Variants in PIN1 observed in about 807,000 individuals in gnomAD.
PIN1 encodes peptidyl-prolyl cis-trans isomerase NIMA-interacting 1.
Under a neutral mutation model 19.9 loss-of-function variants are expected in PIN1, and 8 were observed. That is an observed-to-expected ratio of 0.40 (90% CI 0.24 to 0.72). PIN1 has a LOEUF of 0.72. Among genes scored for constraint, PIN1 ranks in the 30% least tolerant of loss-of-function variants. The probability of loss-of-function intolerance (pLI) is 0.37; values close to 1 mark genes in which losing one functional copy is unlikely to be tolerated. For missense variants in PIN1, 185 were observed against 226.5 expected, an observed-to-expected ratio of 0.82 and a Z score of 1.18; for synonymous variants, 86 against 90.8, an observed-to-expected ratio of 0.95 and a Z score of 0.30.
chr19:9,838,418 G>C lies in PIN1; in HGVS notation c.59-18G>C, dbSNP rs976132217. 1 of 1,582,058 alleles carries C rather than the reference G, an allele frequency of 6.3e-7. No homozygotes were observed. Among genetic ancestry groups the C allele is most frequent in the Non-Finnish European group, 8.6e-7 (1 of 1,164,628 alleles). ...GGAGCACAACCCTAGCTGAATTCCT[G>C]CCTGCCCTCCCCTCCAGGCCGAGTG... On this transcript the variant is annotated intron_variant, in intron 1 of 3. Transcript: ENST00000247970. This position sits in a 1 kb window ranked among gnomAD's most constrained non-coding sequence, Gnocchi z 5.8.
intron 2 of PIN1, among the ~76,000 whole-genome samples, chr19:9,844,548 T>C (rs1205663464): frequency 6.6e-6 from 1 of 152,192 alleles, no homozygotes; most frequent in Admixed American, 6.5e-5. Flanking sequence ...CCTGAACACC[T>C]TGAAGCAGGT....
At chr19:9,839,247 A>G (rs1356812623) in intron 2 of PIN1, among the ~76,000 whole-genome samples, 1 of 152,050 alleles carries the variant, frequency 6.6e-6, no homozygotes, top group African/African-American at 2.4e-5. Context: ...TAGCCTGGGC[A>G]GTATGGTGAA....
rs1568360254 is a variant in PIN1 at position 9,842,573 on chromosome 19, G to A, written c.271+3925G>A. ...CAGCCCGTAGAAAGAGTTCCGGATA[G>A]GACCACAGGAGGCCTGGTGGGCTCA... On this transcript the variant is annotated intron_variant, in intron 2 of 3. Transcript: ENST00000247970. Among the ~76,000 whole-genome samples the A allele has an allele frequency of 1.3e-5, 2 of 152,218 alleles. 1 individual carries two copies. The highest frequency in any genetic ancestry group is 4.1e-4 in the South Asian group (2 of 4,836).
intron 1 of PIN1, chr19:9,835,646 C>T (rs1170627474): frequency 1.0e-5 from 5 of 477,626 alleles, no homozygotes; most frequent in South Asian, 7.4e-5. Flanking sequence ...GAGTCCGGGG[C>T]GATGGCCCTG....
In PIN1 at chr19:9,846,474, G is replaced by A. The variant is rs1414246309; in HGVS notation, c.272-1556G>A. 6.6e-6 allele frequency among the ~76,000 whole-genome samples: 1 copy of A among 152,192 alleles called. No homozygotes were observed. The highest frequency in any genetic ancestry group is 2.4e-5 in the African/African-American group (1 of 41,452). On this transcript the variant is annotated intron_variant, in intron 2 of 3. Transcript: ENST00000247970. The surrounding 1 kb of genome is among the most constrained non-coding windows in gnomAD (Gnocchi z 5.9). ...CAGGGATGTCAGGGCAGCAGGTCGTGGTGACATCCAGCTCAGATACCAGGA... is the reference window on the plus strand; with the variant it reads ...CAGGGATGTCAGGGCAGCAGGTCGTAGTGACATCCAGCTCAGATACCAGGA...
At chr19:9,837,459 GTTGTTT>G (rs201673285) in intron 1 of PIN1, 2,041 of 150,622 alleles carry the variant, frequency 0.014, 39 homozygotes, top group African/African-American at 0.048. Context: ...CAGCCAGCCT[GTTGTTT>G]TTGTTTTTGT....
In PIN1 at chr19:9,846,840, C is replaced by T. The variant is rs892955087; in HGVS notation, c.272-1190C>T. ...GTGTCAGGGTGACATTAAGAAACCCCCTACTGAGTGTGTCAGGGTGACCTT... is the reference window on the plus strand; with the variant it reads ...GTGTCAGGGTGACATTAAGAAACCCTCTACTGAGTGTGTCAGGGTGACCTT... On this transcript the variant is annotated intron_variant, in intron 2 of 3. Transcript: ENST00000247970. The surrounding 1 kb of genome is among the most constrained non-coding windows in gnomAD (Gnocchi z 5.9). Among the ~76,000 whole-genome samples the T allele has an allele frequency of 3.9e-5, 6 of 152,126 alleles. No individual in the cohort carries two copies. The highest frequency in any genetic ancestry group is 1.3e-4 in the Admixed American group (2 of 15,274).
intron 2 of PIN1, among the ~76,000 whole-genome samples, chr19:9,839,952 A>G (rs2046148109): frequency 6.6e-6 from 1 of 151,932 alleles, no homozygotes; most frequent in Non-Finnish European, 1.5e-5. Flanking sequence ...ATGAGCCGAG[A>G]TCACACTACC....
At position 9,845,923 on chromosome 19, in the gene PIN1, T is replaced by C. The variant is rs138388346; in HGVS notation, c.272-2107T>C. ...GCTCAGTGCCTGCAGGCAGTCCTGC[T>C]TCCCCGAAGTAGGTGGGTACCTCTG... On this transcript the variant is annotated intron_variant, in intron 2 of 3. Coordinates refer to ENST00000247970, the MANE Select transcript of PIN1 (RefSeq NM_006221.4). Among the ~76,000 whole-genome samples, 838 of 152,258 alleles carry C rather than the reference T, an allele frequency of 5.5e-3. 3 individuals are homozygous for C. The highest frequency in any genetic ancestry group is 8.4e-3 in the Non-Finnish European group (573 of 68,016).
chr19:9,847,615 C>T (rs1251652829), intron 2 of PIN1, among the ~76,000 whole-genome samples: 3 of 152,226 alleles, frequency 2.0e-5, no homozygotes, highest in Non-Finnish European at 4.4e-5. Context: ...GGCCAGCCCC[C>T]TGCCTGGGTC....
Position 9,849,154 on chromosome 19 carries a change from C to T in PIN1, c.447C>T (p.Pro149=), listed in dbSNP as rs149735658. ...TGCGGACGGGGGAGATGAGCGGGCCCGTGTTCACGGATTCCGGCATCCACA... is the reference window on the plus strand; with the variant it reads ...TGCGGACGGGGGAGATGAGCGGGCCTGTGTTCACGGATTCCGGCATCCACA... ...FALRTGEMSG[P]VFTDSGIHII... The change falls in exon 4 of 4, where the codon CCC becomes CCT. Residue 149 remains proline (P), a synonymous_variant. Transcript: ENST00000247970. 1.7e-5 allele frequency: 27 copies of T among 1,613,474 alleles called. No individual in the cohort carries two copies. In the African/African-American group the frequency reaches 2.7e-4, roughly 16 times the overall value.
At chr19:9,835,695 C>T (rs766273176) in intron 1 of PIN1, 187 of 432,526 alleles carry the variant, frequency 4.3e-4, no homozygotes, top group Non-Finnish European at 6.6e-4. Flanking sequence ...GCCTAATGCA[C>T]CTGACACCCC....
At position 9,848,051 on chromosome 19, in the gene PIN1, C is replaced by A; in HGVS notation, c.293C>A (p.Ser98Ter). The change falls in exon 3 of 4, where the codon TCG becomes TAG. Residue 98 changes from serine to a stop codon, truncating the protein, a stop_gained. Transcript: ENST00000247970. LOFTEE classifies it high-confidence loss of function. Reference sequence around the variant, plus strand: ...ACAGGCTACATCCAGAAGATCAAGTCGGGAGAGGAGGACTTTGAGTCTCTG... The same window carrying A: ...ACAGGCTACATCCAGAAGATCAAGTAGGGAGAGGAGGACTTTGAGTCTCTG... ...LINGYIQKIK[S>*]GEEDFESLAS... 1.2e-6 allele frequency: 2 copies of A among 1,611,146 alleles called. No individual in the cohort carries two copies. Among genetic ancestry groups the A allele is most frequent in the Non-Finnish European group, 1.7e-6 (2 of 1,177,510 alleles).
In PIN1 at chr19:9,848,015, G is replaced by T; in HGVS notation, c.272-15G>T. ...ACCCCTGACCTGGCACTCCCATTCCGTTCCATGTCCACAGGCTACATCCAG... is the reference window on the plus strand; with the variant it reads ...ACCCCTGACCTGGCACTCCCATTCCTTTCCATGTCCACAGGCTACATCCAG... On this transcript the variant is annotated splice_polypyrimidine_tract_variant and intron_variant, in intron 2 of 3. Transcript: ENST00000247970. 2 of 1,555,734 alleles carry T rather than the reference G, an allele frequency of 1.3e-6. No homozygotes were observed. Among genetic ancestry groups the T allele is most frequent in the Non-Finnish European group, 1.8e-6 (2 of 1,127,230 alleles).
chr19:9,843,405 G>A (rs1377683122), intron 2 of PIN1, among the ~76,000 whole-genome samples: 1 of 152,272 alleles, frequency 6.6e-6, no homozygotes, highest in Non-Finnish European at 1.5e-5. Flanking sequence ...AAGTATGCTG[G>A]AAGCAGCGTA....
At position 9,842,568 on chromosome 19, in the gene PIN1, G is replaced by A. The variant is rs183775822; in HGVS notation, c.271+3920G>A. On this transcript the variant is annotated intron_variant, in intron 2 of 3. Coordinates refer to ENST00000247970, the MANE Select transcript of PIN1 (RefSeq NM_006221.4). ...CCCCACAGCCCGTAGAAAGAGTTCC[G>A]GATAGGACCACAGGAGGCCTGGTGG... Among the ~76,000 whole-genome samples, 7 of 152,302 alleles carry A rather than the reference G, an allele frequency of 4.6e-5. No individual in the cohort carries two copies. In the East Asian group the frequency reaches 7.7e-4, roughly 17 times the overall value.
chr19:9,838,743 C>A lies in PIN1; in HGVS notation c.271+95C>A. 9.7e-7 allele frequency: 1 copy of A among 1,029,938 alleles called. No homozygotes were observed. Among genetic ancestry groups the A allele is most frequent in the Non-Finnish European group, 1.4e-6 (1 of 705,202 alleles). 63.8% of individuals were successfully genotyped at this position (1,029,938 alleles called of 1,614,324 possible). ...AGACCCTTCACCCCAGCTTGCTCAG[C>A]TGCCAGGCGTGGTGTTGGCCAACAC... On this transcript the variant is annotated intron_variant, in intron 2 of 3. Transcript: ENST00000247970. The surrounding 1 kb of genome is among the most constrained non-coding windows in gnomAD (Gnocchi z 5.8).
In PIN1 at chr19:9,835,365, G is replaced by A. The variant is rs2046091663; in HGVS notation, c.21G>A (p.Leu7=). Reference sequence around the variant, plus strand: ...GGAAGATGGCGGACGAGGAGAAGCTGCCGCCCGGCTGGGAGAAGCGCATGA... The same window carrying A: ...GGAAGATGGCGGACGAGGAGAAGCTACCGCCCGGCTGGGAGAAGCGCATGA... MADEEK[L]PPGWEKRMSR... Residue 7 remains leucine, a synonymous_variant, in exon 1 of 4, where the codon CTG becomes CTA. Coordinates refer to ENST00000247970, the MANE Select transcript of PIN1 (RefSeq NM_006221.4). 1 of 1,522,406 alleles carries A rather than the reference G, an allele frequency of 6.6e-7. No homozygotes were observed. The highest frequency in any genetic ancestry group is 1.2e-5 in the South Asian group (1 of 82,440). The allele number at this position is 1,522,406 out of a possible 1,614,324, so 94.3% of individuals were successfully genotyped here.
In PIN1 at chr19:9,846,975, C is replaced by T. The variant is rs2046225701; in HGVS notation, c.272-1055C>T. 6.6e-6 allele frequency among the ~76,000 whole-genome samples: 1 copy of T among 152,108 alleles called. No individual in the cohort carries two copies. On this transcript the variant is annotated intron_variant, in intron 2 of 3. Coordinates refer to ENST00000247970, the MANE Select transcript of PIN1 (RefSeq NM_006221.4). This position sits in a 1 kb window ranked among gnomAD's most constrained non-coding sequence, Gnocchi z 5.9. ...CTGCCCTGGCTTGCTGGGGCTGTCG[C>T]ACCACTGGCCTAGGGAGGACACTGG...
Sources: allele counts gnomAD v4.1 joint callset (sites outside exome capture counted in the v4.1 genomes callset), GRCh38; gene constraint gnomAD v4.1.1; non-coding constraint Gnocchi (gnomAD v3.1); transcripts MANE v1.5; gene names NCBI Gene and HGNC (gene_info 2026-07-23, HGNC 2026-07-21).